Variants in SGF29 observed in about 807,000 individuals in gnomAD.
SGF29 encodes SAGA complex associated factor 29, also known as SAGA-associated factor 29.
A neutral mutation model predicts 38.1 loss-of-function variants in SGF29; 15 were observed. The ratio of observed to expected loss-of-function variants is 0.39; its 90% CI spans 0.26 to 0.61. The LOEUF (loss-of-function observed/expected upper bound fraction) is 0.61. SGF29 is among the 20% of genes least tolerant of loss of function. The pLI is 0.49. For missense variants in SGF29, 184 were observed against 394.6 expected (o/e 0.47, Z 4.52); for synonymous variants, 151 against 160.8 (o/e 0.94, Z 0.46).
At chr16:28,561,905 G>T (rs1358057067) in intron 1 of SGF29, among the ~76,000 whole-genome samples, 1 of 152,152 alleles carries the variant, frequency 6.6e-6, no homozygotes, top group Non-Finnish European at 1.5e-5. Flanking sequence ...TTCTCAGAAG[G>T]TCACAGAAAC....
At chr16:28,570,827 C>G (rs1267522008) in intron 1 of SGF29, among the ~76,000 whole-genome samples, 4 of 152,022 alleles carry the variant, frequency 2.6e-5, no homozygotes, top group Admixed American at 1.3e-4. Context: ...ATTCGCCCAC[C>G]TTGGTTTCCC....
chr16:28,557,965 GTTTTTTTTT>G (rs753237384), intron 1 of SGF29, among the ~76,000 whole-genome samples: 53 of 65,622 alleles, frequency 8.1e-4, no homozygotes, highest in African/African-American at 3.0e-3. Flanking sequence ...TTCTTTCTCT[GTTTTTTTTT>G]TTTTTTTTTT....
intron 1 of SGF29, among the ~76,000 whole-genome samples, chr16:28,566,489 A>G (rs990275926): frequency 1.3e-5 from 2 of 151,880 alleles, no homozygotes; most frequent in Non-Finnish European, 2.9e-5. Flanking sequence ...GCAGGCATGG[A>G]GATAAGAAAT....
At chr16:28,563,925 TTAG>T (rs1490551493) in intron 1 of SGF29, among the ~76,000 whole-genome samples, 1 of 152,042 alleles carries the variant, frequency 6.6e-6, no homozygotes, top group Non-Finnish European at 1.5e-5. Flanking sequence ...TTTTGTATTT[TTAG>T]TAGAGACAGG....
chr16:28,564,388 G>A (rs1301129105), intron 1 of SGF29, among the ~76,000 whole-genome samples: 1 of 151,092 alleles, frequency 6.6e-6, no homozygotes, highest in Non-Finnish European at 1.5e-5. Flanking sequence ...GAGGATCCCG[G>A]AGCGATCTTC....
intron 2 of SGF29, among the ~76,000 whole-genome samples, chr16:28,583,760 A>G (rs1337555551): frequency 1.3e-5 from 2 of 152,190 alleles, no homozygotes; most frequent in African/African-American, 4.8e-5. Context: ...TCTATATGCC[A>G]GTACCACACC....
chr16:28,566,431 T>G (rs2046836665), intron 1 of SGF29, among the ~76,000 whole-genome samples: 2 of 151,884 alleles, frequency 1.3e-5, no homozygotes, highest in Non-Finnish European at 2.9e-5. Context: ...CTGAGAGGAT[T>G]AGGAGTGATC....
chr16:28,591,212 C>T (rs1455042731), intron 9 of SGF29, among the ~76,000 whole-genome samples: 2 of 152,194 alleles, frequency 1.3e-5, no homozygotes, highest in Non-Finnish European at 2.9e-5. Context: ...TGGGCTCCTA[C>T]CGCCTTGTGC....
chr16:28,557,602 A>G (rs1316139147), intron 1 of SGF29, among the ~76,000 whole-genome samples: 1 of 152,224 alleles, frequency 6.6e-6, no homozygotes, highest in Non-Finnish European at 1.5e-5. Context: ...GCACAAATAA[A>G]GCAACTGGGG....
chr16:28,590,602 A>G lies in SGF29; in HGVS notation c.567-29A>G. ...CAACAGGTACTGCGCCCCTGGCTGC[A>G]TCCAGCCTTTTCCTCCTTTTGTCTG... On this transcript the variant is annotated intron_variant, in intron 7 of 9. Transcript: ENST00000317058. The surrounding 1 kb of genome is among the most constrained non-coding windows in gnomAD (Gnocchi z 8.2). The G allele has an allele frequency of 6.2e-7, 1 of 1,613,194 alleles. No homozygotes were observed. Among genetic ancestry groups the G allele is most frequent in the Non-Finnish European group, 8.5e-7 (1 of 1,179,930 alleles).
chr16:28,563,782 G>A (rs953499330), intron 1 of SGF29, among the ~76,000 whole-genome samples: 16 of 143,804 alleles, frequency 1.1e-4, no homozygotes, highest in African/African-American at 2.1e-4. Flanking sequence ...GTGCAGTGGC[G>A]TAATCTCGGC....
intron 1 of SGF29, among the ~76,000 whole-genome samples, chr16:28,579,062 C>A (rs1306732720): frequency 2.6e-5 from 4 of 152,146 alleles, no homozygotes; most frequent in African/African-American, 9.7e-5. Context: ...GCTGGGATTA[C>A]AGGTGTTAGT....
chr16:28,556,378 C>T (rs767521330), intron 1 of SGF29, among the ~76,000 whole-genome samples: 13 of 152,000 alleles, frequency 8.6e-5, no homozygotes, highest in Non-Finnish European at 1.6e-4. Context: ...CGGAGTTTCA[C>T]TCTTTGTTGC....
chr16:28,585,563 G>GT, intron 3 of SGF29, 85 bp from the exon 4 acceptor site: 1 of 1,228,612 alleles, frequency 8.1e-7, no homozygotes. Context: ...GTGCCTCCAC[G>GT]AGTGTGATTC....
Position 28,590,627 on chromosome 16 carries a change from G to T in SGF29, c.567-4G>T, listed in dbSNP as rs2046983558. Reference sequence around the variant, plus strand: ...ATCCAGCCTTTTCCTCCTTTTGTCTGCAGGTATGAGGTAGATGACATCGAT... The same window carrying T: ...ATCCAGCCTTTTCCTCCTTTTGTCTTCAGGTATGAGGTAGATGACATCGAT... On this transcript the variant is annotated splice_polypyrimidine_tract_variant and splice_region_variant and intron_variant, in intron 7 of 9. Coordinates refer to ENST00000317058, the MANE Select transcript of SGF29 (RefSeq NM_138414.3). The surrounding 1 kb of genome is among the most constrained non-coding windows in gnomAD (Gnocchi z 8.2). The T allele has an allele frequency of 6.2e-7, 1 of 1,613,580 alleles. No individual in the cohort carries two copies. Among genetic ancestry groups the T allele is most frequent in the Admixed American group, 1.7e-5 (1 of 60,000 alleles).
intron 1 of SGF29, among the ~76,000 whole-genome samples, chr16:28,564,826 T>C (rs1234715766): frequency 7.0e-6 from 1 of 143,414 alleles, no homozygotes; most frequent in African/African-American, 2.6e-5. Flanking sequence ...CACACACATA[T>C]ATATGAGTTT....
At chr16:28,563,265 A>G (rs138101046) in intron 1 of SGF29, among the ~76,000 whole-genome samples, 2 of 152,328 alleles carry the variant, frequency 1.3e-5, no homozygotes, top group African/African-American at 2.4e-5. Context: ...GTGTGTTGCC[A>G]TTCGCCAGAT....
chr16:28,575,245 A>G (rs1259909788), intron 1 of SGF29, among the ~76,000 whole-genome samples: 2 of 152,212 alleles, frequency 1.3e-5, no homozygotes, highest in African/African-American at 2.4e-5. Flanking sequence ...GTTCTTCTCT[A>G]TATGACAATG....
intron 4 of SGF29, among the ~76,000 whole-genome samples, chr16:28,586,251 CT>C (rs2046955532): frequency 6.6e-6 from 1 of 152,132 alleles, no homozygotes. Context: ...AAAACTCCTG[CT>C]TTTAAAATAA....
Sources: gnomAD v4.1 joint callset for allele counts (sites outside exome capture counted in the v4.1 genomes callset) on GRCh38, gnomAD v4.1.1 for gene constraint, Gnocchi (gnomAD v3.1) non-coding constraint, MANE v1.5 for transcripts, NCBI Gene and HGNC (gene_info 2026-07-23, HGNC 2026-07-21) for gene names.